CFLAR: variants seen among roughly 807,000 people sequenced by gnomAD.
CFLAR encodes CASP8 and FADD like apoptosis regulator, also known as CASP8 and FADD-like apoptosis regulator.
Under a neutral mutation model 51.1 loss-of-function variants are expected in CFLAR, and 14 were observed. That is an observed-to-expected ratio of 0.27 (90% CI 0.18 to 0.43). CFLAR has a LOEUF of 0.43. Ranked by LOEUF, CFLAR falls within the 20% of genes least tolerant of loss-of-function variation. The pLI is 1.00. For synonymous variants in CFLAR, 210 were observed against 211.6 expected, an observed-to-expected ratio of 0.99 and a Z score of 0.06; for missense variants, 390 against 566.5, an observed-to-expected ratio of 0.69 and a Z score of 3.16.
At chr2:201,132,430 A>T (rs2518139) in intron 2 of CFLAR, among the ~76,000 whole-genome samples, 3 of 137,964 alleles carry the variant, frequency 2.2e-5, no homozygotes, top group Non-Finnish European at 4.7e-5. Context: ...GGGGGGGAAA[A>T]ATATATATAT....
chr2:201,135,755 G>A (rs991524026), intron 3 of CFLAR, among the ~76,000 whole-genome samples: 1 of 152,030 alleles, frequency 6.6e-6, no homozygotes, highest in African/African-American at 2.4e-5. Flanking sequence ...CTCCTGAGTA[G>A]CTGGGACCAC....
In CFLAR at chr2:201,138,864, A is replaced by G; in HGVS notation, c.524-1493A>G. 1.4e-6 allele frequency: 1 copy of G among 716,644 alleles called. No homozygotes were observed. The highest frequency in any genetic ancestry group is 2.6e-6 in the Non-Finnish European group (1 of 386,206). The allele number at this position is 716,644 out of a possible 1,614,324, so 44.4% of individuals were successfully genotyped here. A position where few individuals can be genotyped will look rare whatever the true frequency, so the allele number is the denominator to read the frequency against. On this transcript the variant is annotated intron_variant, in intron 4 of 9. Transcript: ENST00000309955. This position sits in a 1 kb window ranked among gnomAD's most constrained non-coding sequence, Gnocchi z 4.0. ...CACAGTGTCCATGGGGGAGGAGATC[A>G]GCGGCGTCTTCAGAGTGACCATTGG...
At position 201,166,663 on chromosome 2, in the gene CFLAR, C is replaced by G; in HGVS notation, c.*2690C>G. 1 of 175,190 alleles carries G rather than the reference C, an allele frequency of 5.7e-6. No individual in the cohort carries two copies. The highest frequency in any genetic ancestry group is 1.2e-5 in the Non-Finnish European group (1 of 83,902). The allele number at this position is 175,190 out of a possible 1,614,324, so 10.9% of individuals were successfully genotyped here. ...CCAGCTGAGATCACACCACTGCACT[C>G]CAGCCTGGGCAACATTGAGCACTGA... On this transcript the variant is annotated 3_prime_UTR_variant, in exon 10 of 10. Transcript: ENST00000309955.
At position 201,172,309 on chromosome 2, in the gene CFLAR, T is replaced by C. The variant is rs748892765; in HGVS notation, c.*8336T>C. 1 of 152,222 alleles carries C rather than the reference T, an allele frequency of 6.6e-6. No homozygotes were observed. Among genetic ancestry groups the C allele is most frequent in the Non-Finnish European group, 1.5e-5 (1 of 68,030 alleles). The allele number at this position is 152,222 out of a possible 1,614,324, so 9.4% of individuals were successfully genotyped here. A position where few individuals can be genotyped will look rare whatever the true frequency, so the allele number is the denominator to read the frequency against. ...TTCATGACCTTACTTTAGCAAGCAA[T>C]GAACGTGATGTAAACTATTGTTGAT... On this transcript the variant is annotated 3_prime_UTR_variant, in exon 10 of 10. Coordinates refer to ENST00000309955, the MANE Select transcript of CFLAR (RefSeq NM_003879.7).
intron 7 of CFLAR, 63 bp from the exon 8 acceptor site, chr2:201,149,691 G>T: frequency 1.6e-6 from 2 of 1,275,580 alleles, no homozygotes; most frequent in Non-Finnish European, 2.3e-6. Flanking sequence ...TGGTATATGG[G>T]TGGGACCTTA....
chr2:201,122,363 TG>T (rs1187857079), intron 1 of CFLAR: 1 of 152,240 alleles, frequency 6.6e-6, no homozygotes. Flanking sequence ...CAAGCTCTTC[TG>T]GATCCAACAA....
At chr2:201,136,565 T>C in intron 4 of CFLAR, 1 of 1,462,268 alleles carries the variant, frequency 6.8e-7, no homozygotes, top group Non-Finnish European at 9.0e-7. Flanking sequence ...ATTCGATTTC[T>C]TCCTTGATAA....
chr2:201,143,767 G>C (rs949122383), intron 5 of CFLAR, among the ~76,000 whole-genome samples: 1 of 151,956 alleles, frequency 6.6e-6, no homozygotes, highest in African/African-American at 2.4e-5. Context: ...TTCAAGACCA[G>C]CCTGGCCAAG....
In CFLAR at chr2:201,130,030, G is replaced by A; in HGVS notation, c.165G>A (p.Leu55=). The part of the protein sequence containing the change: ...RERGKLSVGD[L]AELLYRVRRF... ...GAGGTAAGCTGTCTGTCGGGGACTTGGCTGAACTGCTCTACAGAGTGAGGC... is the reference window on the plus strand; with the variant it reads ...GAGGTAAGCTGTCTGTCGGGGACTTAGCTGAACTGCTCTACAGAGTGAGGC... The change falls in exon 2 of 10, where the codon TTG becomes TTA. Residue 55 remains leucine (L), a synonymous_variant. Coordinates refer to ENST00000309955, the MANE Select transcript of CFLAR (RefSeq NM_003879.7). The A allele has an allele frequency of 1.2e-6, 2 of 1,614,116 alleles. No homozygotes were observed. Among genetic ancestry groups the A allele is most frequent in the Non-Finnish European group, 1.7e-6 (2 of 1,180,028 alleles).
intron 9 of CFLAR, among the ~76,000 whole-genome samples, chr2:201,162,000 G>A (rs576201106): frequency 8.6e-5 from 13 of 151,726 alleles, no homozygotes; most frequent in African/African-American, 2.4e-4. Context: ...CACGTACCTC[G>A]GCCTGCCAAA....
rs1943890508 is a variant in CFLAR at position 201,169,634 on chromosome 2, A to G, written c.*5661A>G. 1 of 152,252 alleles carries G rather than the reference A, an allele frequency of 6.6e-6. No individual in the cohort carries two copies. The highest frequency in any genetic ancestry group is 2.4e-5 in the African/African-American group (1 of 41,466). The allele number at this position is 152,252 out of a possible 1,614,324, so 9.4% of individuals were successfully genotyped here. A position where few individuals can be genotyped will look rare whatever the true frequency, so the allele number is the denominator to read the frequency against. On this transcript the variant is annotated 3_prime_UTR_variant, in exon 10 of 10. Coordinates refer to ENST00000309955, the MANE Select transcript of CFLAR (RefSeq NM_003879.7). ...TCTAATTAAACTAAAGAGCTCCTGC[A>G]CAGCAAAAGAAACTATCATTAGAGT...
In CFLAR at chr2:201,130,353, C is replaced by CTTTTTTTT. The variant is rs771361555; in HGVS notation, c.281+226_281+233dup. On this transcript the variant is annotated intron_variant, in intron 2 of 9. Coordinates refer to ENST00000309955, the MANE Select transcript of CFLAR (RefSeq NM_003879.7). ...TTTCTTGCTTTCTTTTTCTTTCTTT[C>CTTTTTTTT]TTTTTTTTTTTTTTTTTTTTTTTTT... 1.5e-3 allele frequency among the ~76,000 whole-genome samples: 135 copies of CTTTTTTTT among 92,286 alleles called. 1 individual carries two copies. The highest frequency in any genetic ancestry group is 2.1e-3 in the Non-Finnish European group (98 of 47,104). The allele number at this position is 92,286 out of a possible 152,430, so 60.5% of individuals were successfully genotyped here. A position where few individuals can be genotyped will look rare whatever the true frequency, so the allele number is the denominator to read the frequency against.
intron 4 of CFLAR, chr2:201,137,526 C>T: frequency 1.5e-6 from 1 of 660,528 alleles, no homozygotes; most frequent in South Asian, 1.6e-5. Context: ...TCAGTACAGC[C>T]ACTTCTCGTA....
At chr2:201,121,688 C>A (rs757832137) in intron 1 of CFLAR, among the ~76,000 whole-genome samples, 3 of 152,142 alleles carry the variant, frequency 2.0e-5, no homozygotes, top group Admixed American at 6.5e-5. Flanking sequence ...CCCAAAGGGC[C>A]AAGTTTGGCC....
chr2:201,153,903 C>CTTTTTTTT (rs747813572), intron 8 of CFLAR, among the ~76,000 whole-genome samples: 108 of 103,018 alleles, frequency 1.0e-3, no homozygotes, highest in Non-Finnish European at 1.4e-3. Flanking sequence ...TCTTTTCTTT[C>CTTTTTTTT]TTTTTTTTTT....
In CFLAR at chr2:201,148,993, C is replaced by T. The variant is rs992129926; in HGVS notation, c.662-10C>T. The T allele has an allele frequency of 6.2e-7, 1 of 1,609,128 alleles. No homozygotes were observed. The highest frequency in any genetic ancestry group is 8.5e-7 in the Non-Finnish European group (1 of 1,175,434). On this transcript the variant is annotated splice_polypyrimidine_tract_variant and intron_variant, in intron 6 of 9. Coordinates refer to ENST00000309955, the MANE Select transcript of CFLAR (RefSeq NM_003879.7). ...AGCTTTGTAAATGGTTTCTCTCTCT[C>T]ATCCCCCAGAAGAACCAGTGAAGAA...
rs1943922256 is a variant in CFLAR at position 201,170,096 on chromosome 2, A to AT, written c.*6125dup. 1 of 152,242 alleles carries AT rather than the reference A, an allele frequency of 6.6e-6. No homozygotes were observed. The highest frequency in any genetic ancestry group is 6.5e-5 in the Admixed American group (1 of 15,282). 9.4% of individuals were successfully genotyped at this position (152,242 alleles called of 1,614,324 possible). A position where few individuals can be genotyped will look rare whatever the true frequency, so the allele number is the denominator to read the frequency against. ...AAATACTATTTGTCCCAGCAATCCCATTACTGGGTATATACCCAAAGGAAT... is the reference window on the plus strand; with the variant it reads ...AAATACTATTTGTCCCAGCAATCCCATTTACTGGGTATATACCCAAAGGAAT... On this transcript the variant is annotated 3_prime_UTR_variant, in exon 10 of 10. Transcript: ENST00000309955.
At chr2:201,154,117 G>T in intron 8 of CFLAR, 1 of 294,702 alleles carries the variant, frequency 3.4e-6, no homozygotes, top group Non-Finnish European at 6.7e-6. Flanking sequence ...TTAAGACGGA[G>T]TTTCCCTTTT....
intron 4 of CFLAR, chr2:201,139,270 C>T: frequency 3.4e-6 from 1 of 297,700 alleles, no homozygotes; most frequent in Non-Finnish European, 6.4e-6. Context: ...TCCCTAATCT[C>T]AAGTACCCAG....
Sources: gnomAD v4.1 joint callset for allele counts (sites outside exome capture counted in the v4.1 genomes callset) on GRCh38, gnomAD v4.1.1 for gene constraint, Gnocchi (gnomAD v3.1) non-coding constraint, MANE v1.5 for transcripts, NCBI Gene and HGNC (gene_info 2026-07-23, HGNC 2026-07-21) for gene names.